ARFGEF1: variants seen among roughly 807,000 people sequenced by gnomAD.
ARFGEF1 encodes brefeldin A-inhibited guanine nucleotide-exchange protein 1.
ARFGEF1 carries 42 observed loss-of-function variants against 231.0 expected under a neutral mutation model. The ratio of observed to expected loss-of-function variants is 0.18; its 90% CI spans 0.14 to 0.24. The LOEUF (loss-of-function observed/expected upper bound fraction) is 0.24. Ranked by LOEUF, ARFGEF1 falls within the 10% of genes least tolerant of loss-of-function variation. The pLI is 1.00. For missense variants in ARFGEF1, 1,345 were observed against 2,192.0 expected, an observed-to-expected ratio of 0.61 and a Z score of 7.72; for synonymous variants, 710 against 732.3, an observed-to-expected ratio of 0.97 and a Z score of 0.49.
chr8:67,249,265 T>C (rs1333504989), intron 19 of ARFGEF1, among the ~76,000 whole-genome samples: 1 of 150,590 alleles, frequency 6.6e-6, no homozygotes, highest in Non-Finnish European at 1.5e-5. Context: ...ATAAATTACA[T>C]GAGATATTCA....
downstream of ARFGEF1, among the ~76,000 whole-genome samples, chr8:67,197,318 G>C (rs763144428): frequency 2.0e-5 from 3 of 152,020 alleles, no homozygotes; most frequent in African/African-American, 4.8e-5. Context: ...GGCAAGTGTA[G>C]TGGTGTGTGC....
chr8:67,302,518 CTGAG>C (rs1563902062), intron 1 of ARFGEF1, 52 bp from the exon 2 acceptor site: 2 of 1,341,790 alleles, frequency 1.5e-6, no homozygotes, highest in Admixed American at 2.5e-5. Context: ...AGCAGAAAGA[CTGAG>C]TAATTTCTTA....
chr8:67,232,273 TTC>T (rs1839577875), intron 23 of ARFGEF1, among the ~76,000 whole-genome samples: 1 of 152,024 alleles, frequency 6.6e-6, no homozygotes, highest in African/African-American at 2.4e-5. Flanking sequence ...AAAGCTAAAC[TTC>T]AAGTAACAAT....
chr8:67,203,090 C>CCA lies in ARFGEF1; in HGVS notation c.5119_5120dup (p.Trp1707CysfsTer15). ...GAGGCGTGTGCAGCTTACCTGCTTTCCACAGGGCAGTCCTCTGTTCGTTGT... is the reference window on the plus strand; with the variant it reads ...GAGGCGTGTGCAGCTTACCTGCTTTCCACACAGGGCAGTCCTCTGTTCGTTGT... On this transcript the variant is annotated frameshift_variant, in exon 36 of 39. Coordinates refer to ENST00000262215, the MANE Select transcript of ARFGEF1 (RefSeq NM_006421.5). LOFTEE classifies it high-confidence loss of function. 1 of 1,612,680 alleles carries CCA rather than the reference C, an allele frequency of 6.2e-7. No individual in the cohort carries two copies. Among genetic ancestry groups the CCA allele is most frequent in the Admixed American group, 1.7e-5 (1 of 59,788 alleles).
chr8:67,343,403 T>G lies in ARFGEF1; in HGVS notation c.-116A>C. ...AGGAGAGGGGGTGGAGGTGGGGGAT[T>G]GGAGGCGTGGAGGGCAGCGGCAGGA... On this transcript the variant is annotated 5_prime_UTR_variant, in exon 1 of 39. Coordinates refer to ENST00000262215, the MANE Select transcript of ARFGEF1 (RefSeq NM_006421.5). The G allele has an allele frequency of 3.1e-5, 34 of 1,084,770 alleles. No individual in the cohort carries two copies. The highest frequency in any genetic ancestry group is 1.0e-4 in the Admixed American group (4 of 38,834). The allele number at this position is 1,084,770 out of a possible 1,614,324, so 67.2% of individuals were successfully genotyped here.
chr8:67,194,955 G>A (rs139504233), downstream of ARFGEF1, among the ~76,000 whole-genome samples: 97 of 152,156 alleles, frequency 6.4e-4, no homozygotes, highest in African/African-American at 2.2e-3. Flanking sequence ...AGGTTGAAGA[G>A]TATTCCCCAA....
At chr8:67,187,007 A>C (rs748160853) in intron 5 of ARFGEF1, among the ~76,000 whole-genome samples, 1 of 150,726 alleles carries the variant, frequency 6.6e-6, no homozygotes, top group Non-Finnish European at 1.5e-5. Context: ...CTATCTATCT[A>C]TCTATCTAAT....
At position 67,301,255 on chromosome 8, in the gene ARFGEF1, C is replaced by A. The variant is rs369515490; in HGVS notation, c.281G>T (p.Arg94Leu). 1 of 1,613,220 alleles carries A rather than the reference C, an allele frequency of 6.2e-7. No individual in the cohort carries two copies. The highest frequency in any genetic ancestry group is 1.7e-5 in the Admixed American group (1 of 59,726). ...FELACQSKCP[R>L]IVSTSLDCLQ... ...GCAATCTAGAGATGTACTAACTATG[C>A]GAGGACATTTGGACTGGCATGCCAA... The change falls in exon 3 of 39, where the codon CGC (arginine) becomes CTC (leucine). Residue 94 changes from arginine to leucine, a missense_variant. By Grantham distance (102) the Arg-to-Leu change is moderately radical. Coordinates refer to ENST00000262215, the MANE Select transcript of ARFGEF1 (RefSeq NM_006421.5).
At chr8:67,236,362 AAAAATATATATATATATATATATAT>A (rs1244807497) in intron 22 of ARFGEF1, among the ~76,000 whole-genome samples, 90 of 41,762 alleles carry the variant, frequency 2.2e-3, no homozygotes, top group Non-Finnish European at 3.2e-3. Flanking sequence ...AAAAAAAAAA[AAAAATATATATATATATATATATAT>A]ATATATATAT....
chr8:67,286,693 TA>T (rs1805774504), intron 7 of ARFGEF1, among the ~76,000 whole-genome samples: 1 of 152,162 alleles, frequency 6.6e-6, no homozygotes, highest in Admixed American at 6.5e-5. Context: ...CTCTATTTTT[TA>T]TTTTTTTAAT....
chr8:67,189,495 T>C lies in ARFGEF1; in HGVS notation c.560+10901A>G, dbSNP rs147996040. Among the ~76,000 whole-genome samples the C allele has an allele frequency of 4.8e-3, 729 of 152,334 alleles. 2 individuals carry two copies. Among genetic ancestry groups the C allele is most frequent in the Middle Eastern group, 0.024 (7 of 294 alleles). On this transcript the variant is annotated intron_variant, in intron 5 of 5. Coordinates refer to the ARFGEF1 transcript ENST00000518789. ...GGACCCAAAACTTATTTTAGAATTA[T>C]AGAAAGCCCCATATCTTATTCAATA...
At chr8:67,179,041 A>G (rs1166672336) in intron 5 of ARFGEF1, among the ~76,000 whole-genome samples, 1 of 152,184 alleles carries the variant, frequency 6.6e-6, no homozygotes, top group Non-Finnish European at 1.5e-5. Flanking sequence ...ATTGTAATTC[A>G]TTGCCTTAAA....
exon 6 of ARFGEF1, chr8:67,175,544 C>A: frequency 7.7e-7 from 1 of 1,295,854 alleles, no homozygotes; most frequent in Non-Finnish European, 1.1e-6. Context: ...CTTTCACTGG[C>A]AGCCCCATGC....
In ARFGEF1 at chr8:67,246,906, A is replaced by T. The variant is rs1213318674; in HGVS notation, c.2850+4393T>A. Among the ~76,000 whole-genome samples the T allele has an allele frequency of 4.6e-5, 7 of 150,540 alleles. 1 individual carries two copies. In the South Asian group the frequency reaches 1.5e-3, roughly 32 times the overall value. ...AAATAAATAAAATTAGAGATGAAAAAGGAGACATTACAACTGATACCACAG... is the reference window on the plus strand; with the variant it reads ...AAATAAATAAAATTAGAGATGAAAATGGAGACATTACAACTGATACCACAG... On this transcript the variant is annotated intron_variant, in intron 19 of 38. Coordinates refer to ENST00000262215, the MANE Select transcript of ARFGEF1 (RefSeq NM_006421.5).
At chr8:67,298,772 C>T (rs980032416) in intron 4 of ARFGEF1, among the ~76,000 whole-genome samples, 14 of 151,972 alleles carry the variant, frequency 9.2e-5, no homozygotes, top group Admixed American at 2.0e-4. Flanking sequence ...ATGACCTCTT[C>T]GTTTTTTTCT....
At chr8:67,216,252 A>G (rs1436405518) in intron 33 of ARFGEF1, among the ~76,000 whole-genome samples, 2 of 152,136 alleles carry the variant, frequency 1.3e-5, no homozygotes, top group African/African-American at 4.8e-5. Flanking sequence ...AGAGGTAGAG[A>G]TTTTAGGAGG....
At position 67,225,614 on chromosome 8, in the gene ARFGEF1, C is replaced by T. The variant is rs745362418; in HGVS notation, c.4077+409G>A. On this transcript the variant is annotated intron_variant, in intron 28 of 38. Coordinates refer to ENST00000262215, the MANE Select transcript of ARFGEF1 (RefSeq NM_006421.5). Reference sequence around the variant, plus strand: ...CCATAGTCAGTCAGCTTCAGTATTACACAGCACAGACAGACAAGATGCACT... The same window carrying T: ...CCATAGTCAGTCAGCTTCAGTATTATACAGCACAGACAGACAAGATGCACT... Among the ~76,000 whole-genome samples the T allele has an allele frequency of 7.2e-5, 11 of 151,892 alleles. No homozygotes were observed. In the South Asian group the frequency reaches 1.4e-3, roughly 20 times the overall value.
At chr8:67,291,148 A>C (rs1037465430) in intron 6 of ARFGEF1, among the ~76,000 whole-genome samples, 2 of 152,168 alleles carry the variant, frequency 1.3e-5, no homozygotes, top group African/African-American at 2.4e-5. Flanking sequence ...CAAAGGGAGA[A>C]CACCACCAAC....
chr8:67,218,050 A>G lies in ARFGEF1; in HGVS notation c.4427T>C (p.Val1476Ala), dbSNP rs1230870028. Reference protein sequence around the residue: ...FTQYLEVLSDVLLDDIFAQLY... With the variant: ...FTQYLEVLSDALLDDIFAQLY... ...CTGAGCAAAAATGTCATCCAAAAGT[A>G]CATCACTGAGTACTTCTAAATACTG... is the stretch of plus-strand genomic sequence containing the variant. The change falls in exon 31 of 39, where the codon GTA becomes GCA. Residue 1476 changes from valine to alanine, a missense_variant. By Grantham distance (64) the Val-to-Ala change is moderately conservative. This residue lies in a region of ARFGEF1 where 54 missense variants were observed against 86.5 expected (regional missense o/e 0.62). Coordinates refer to ENST00000262215, the MANE Select transcript of ARFGEF1 (RefSeq NM_006421.5). The G allele has an allele frequency of 6.2e-7, 1 of 1,612,406 alleles. No individual in the cohort carries two copies. Among genetic ancestry groups the G allele is most frequent in the Non-Finnish European group, 8.5e-7 (1 of 1,179,216 alleles).
Sources: gnomAD v4.1 joint callset for allele counts (sites outside exome capture counted in the v4.1 genomes callset) on GRCh38, gnomAD v4.1.1 for gene constraint, gnomAD v4.1.1 regional missense constraint, MANE v1.5 for transcripts, NCBI Gene and HGNC (gene_info 2026-07-23, HGNC 2026-07-21) for gene names.